The following PECR variants were observed in gnomAD, a reference collection of about 807,000 sequenced individuals.
PECR encodes the protein peroxisomal trans-2-enoyl-CoA reductase, also known as 2,4-dienoyl-CoA reductase-related protein.
In PECR, 30 loss-of-function variants were observed where a neutral mutation model predicts 35.3. That is an observed-to-expected ratio of 0.85 (90% confidence interval 0.64 to 1.15). The LOEUF (loss-of-function observed/expected upper bound fraction) is 1.15. Among genes scored for constraint, PECR ranks in the 50% most tolerant of loss-of-function variants. The pLI, the probability that PECR is intolerant of heterozygous loss-of-function variation, is 0.00. For synonymous variants in PECR, 148 were observed against 138.9 expected (o/e 1.07, Z -0.46); for missense variants, 392 against 370.8 (o/e 1.06, Z -0.47).
At chr2:216,042,614 T>G (rs925069193) in intron 7 of PECR, among the ~76,000 whole-genome samples, 1 of 152,210 alleles carries the variant, frequency 6.6e-6, no homozygotes, top group East Asian at 1.9e-4. Context: ...TGGATTTGTT[T>G]TGTTGTTTAT....
chr2:216,051,856 G>A (rs1489068251), intron 4 of PECR, among the ~76,000 whole-genome samples: 2 of 152,128 alleles, frequency 1.3e-5, no homozygotes, highest in Non-Finnish European at 2.9e-5. Flanking sequence ...TAATTTTAAG[G>A]ATTTCAAGCC....
At chr2:216,066,629 T>C in intron 1 of PECR, 111 bp from the exon 2 acceptor site, 1 of 904,808 alleles carries the variant, frequency 1.1e-6, no homozygotes. Context: ...CCTTCATGAG[T>C]TGTCCAAATT....
At chr2:216,070,641 A>T (rs1695570818) in intron 1 of PECR, among the ~76,000 whole-genome samples, 1 of 152,212 alleles carries the variant, frequency 6.6e-6, no homozygotes, top group Non-Finnish European at 1.5e-5. Context: ...GTTTTAAAGG[A>T]AGGGGCCAGG....
chr2:216,045,149 C>T (rs560526301), intron 6 of PECR, among the ~76,000 whole-genome samples: 2 of 152,210 alleles, frequency 1.3e-5, no homozygotes, highest in Non-Finnish European at 2.9e-5. Context: ...TGTGTCCATG[C>T]CTTGCTTGCC....
chr2:216,043,500 A>G (rs963091565), intron 7 of PECR, among the ~76,000 whole-genome samples: 2 of 152,116 alleles, frequency 1.3e-5, no homozygotes, highest in Non-Finnish European at 2.9e-5. Context: ...ACAAAATAGC[A>G]CCATAGCACC....
At chr2:216,047,356 C>T (rs138566534) in intron 6 of PECR, among the ~76,000 whole-genome samples, 90 of 151,930 alleles carry the variant, frequency 5.9e-4, no homozygotes, top group African/African-American at 1.9e-3. Flanking sequence ...AAAGCTAGTT[C>T]TAAGCATGAT....
chr2:216,046,322 T>TG (rs1694994454), intron 6 of PECR, among the ~76,000 whole-genome samples: 1 of 137,060 alleles, frequency 7.3e-6, no homozygotes, highest in African/African-American at 2.8e-5. Context: ...TTTTTTTTTT[T>TG]TTTTTTTTGA....
chr2:216,053,236 A>ATTTTGATTTG (rs1352710732), intron 4 of PECR, among the ~76,000 whole-genome samples: 1 of 149,718 alleles, frequency 6.7e-6, no homozygotes, highest in African/African-American at 2.5e-5. Flanking sequence ...ATCTGTTCTG[A>ATTTTGATTTG]TTTTGTTTTG....
intron 7 of PECR, among the ~76,000 whole-genome samples, chr2:216,031,491 AAGAGAAAG>A (rs1216867104): frequency 1.4e-4 from 18 of 130,494 alleles, no homozygotes; most frequent in African/African-American, 5.5e-4. Flanking sequence ...GAAAGAAAGA[AAGAGAAAG>A]AAAGAGAGAA....
chr2:216,047,236 C>A (rs890697368), intron 6 of PECR, among the ~76,000 whole-genome samples: 1 of 141,726 alleles, frequency 7.1e-6, no homozygotes, highest in Non-Finnish European at 1.5e-5. Flanking sequence ...CCAGCCTGGG[C>A]AAGAAGAGTG....
At chr2:216,037,613 C>T (rs1310874250), downstream of PECR, among the ~76,000 whole-genome samples, 3 of 152,180 alleles carry the variant, frequency 2.0e-5, no homozygotes, top group Non-Finnish European at 2.9e-5. Context: ...GACACACTCA[C>T]TCTCAGGGGC....
chr2:216,050,185 G>A (rs367775081), intron 5 of PECR, among the ~76,000 whole-genome samples: 33 of 152,030 alleles, frequency 2.2e-4, no homozygotes, highest in African/African-American at 7.5e-4. Flanking sequence ...TCGCACTACC[G>A]CACTTCAGCC....
At position 216,043,895 on chromosome 2, in the gene PECR, GCTGCTCAC is replaced by G; in HGVS notation, c.826+1_826+8del. ...AAAGCTGGTGACTGCTCATTCCTCA[GCTGCTCAC>G]CTGGTACCTCATACGAGTGAGTATA... On this transcript the variant is annotated splice_donor_variant and splice_donor_5th_base_variant and intron_variant, in intron 7 of 7. Coordinates refer to ENST00000265322, the MANE Select transcript of PECR (RefSeq NM_018441.6). LOFTEE classifies it high-confidence loss of function. The G allele has an allele frequency of 7.0e-7, 1 of 1,429,020 alleles. No individual in the cohort carries two copies. Among genetic ancestry groups the G allele is most frequent in the Non-Finnish European group, 9.9e-7 (1 of 1,010,282 alleles). The allele number at this position is 1,429,020 out of a possible 1,614,324, so 88.5% of individuals were successfully genotyped here.
At chr2:216,041,114 G>A (rs946141498) in intron 7 of PECR, among the ~76,000 whole-genome samples, 1 of 151,932 alleles carries the variant, frequency 6.6e-6, no homozygotes, top group African/African-American at 2.4e-5. Context: ...TTATTCGGGG[G>A]GCAGTATATT....
chr2:216,062,337 C>T (rs550955780), intron 3 of PECR, among the ~76,000 whole-genome samples: 4 of 152,186 alleles, frequency 2.6e-5, no homozygotes, highest in East Asian at 1.9e-4. Flanking sequence ...TGAGCCATCA[C>T]GCCTGGCAAT....
chr2:216,042,899 G>A (rs1187088267), intron 7 of PECR, among the ~76,000 whole-genome samples: 1 of 148,806 alleles, frequency 6.7e-6, no homozygotes, highest in African/African-American at 2.5e-5. Context: ...TGAGACTACA[G>A]GTGCCCGCCA....
intron 5 of PECR, among the ~76,000 whole-genome samples, chr2:216,049,882 G>A (rs1164769638): frequency 6.6e-6 from 1 of 152,154 alleles, no homozygotes; most frequent in South Asian, 2.1e-4. Flanking sequence ...ATTTTTAAAT[G>A]TATCTTTCAC....
intron 6 of PECR, among the ~76,000 whole-genome samples, chr2:216,046,310 A>ATTTTTTT (rs869225237): frequency 1.1e-4 from 11 of 96,974 alleles, no homozygotes; most frequent in African/African-American, 4.2e-4. Flanking sequence ...ATATATATAT[A>ATTTTTTT]TTTTTTTTTT....
chr2:216,046,404 G>A (rs574616775), intron 6 of PECR, among the ~76,000 whole-genome samples: 38 of 147,758 alleles, frequency 2.6e-4, no homozygotes, highest in Admixed American at 2.0e-3. Flanking sequence ...TCCGTGTCCC[G>A]GGTTCAAGCA....
Sources: allele counts gnomAD v4.1 joint callset (sites outside exome capture counted in the v4.1 genomes callset), GRCh38; gene constraint gnomAD v4.1.1; transcripts MANE v1.5; gene names NCBI Gene and HGNC (gene_info 2026-07-23, HGNC 2026-07-21).